The following RARB variants were observed in gnomAD, a reference collection of about 807,000 sequenced individuals.
RARB encodes HBV-activated protein.
RARB carries 17 observed loss-of-function variants against 51.9 expected under a neutral mutation model. That is an observed-to-expected ratio of 0.33 (90% CI 0.22 to 0.49). The LOEUF is 0.49. Ranked by LOEUF, RARB falls within the 20% of genes least tolerant of loss-of-function variation. The pLI, the probability that RARB is intolerant of heterozygous loss-of-function variation, is 0.99. For missense variants in RARB, 369 were observed against 550.8 expected, an observed-to-expected ratio of 0.67 and a Z score of 3.30; for synonymous variants, 215 against 195.4, an observed-to-expected ratio of 1.10 and a Z score of -0.84.
chr3:25,285,032 T>C (rs181187873), intron 5 of RARB, among the ~76,000 whole-genome samples: 1 of 152,342 alleles, frequency 6.6e-6, no homozygotes, highest in East Asian at 1.9e-4. Flanking sequence ...CACTCATTTA[T>C]TCCCTCTCTT....
At chr3:25,425,987 C>G (rs773072958), upstream of RARB, among the ~76,000 whole-genome samples, 7 of 152,190 alleles carry the variant, frequency 4.6e-5, no homozygotes, top group Non-Finnish European at 7.3e-5. Flanking sequence ...GCTCTACTTC[C>G]AATATAGCTG....
At chr3:25,204,215 C>T (rs1428129706) in intron 5 of RARB, among the ~76,000 whole-genome samples, 4 of 152,282 alleles carry the variant, frequency 2.6e-5, no homozygotes, top group South Asian at 2.1e-4. Context: ...TCCAGTTGAT[C>T]GAATCAGCTA....
At chr3:25,482,819 G>A (rs944047375) in intron 2 of RARB, among the ~76,000 whole-genome samples, 6 of 152,116 alleles carry the variant, frequency 3.9e-5, no homozygotes, top group South Asian at 4.1e-4. Context: ...GATTACAGGC[G>A]TGAGCCACCC....
At chr3:25,278,417 C>T (rs868450722) in intron 5 of RARB, among the ~76,000 whole-genome samples, 1 of 152,310 alleles carries the variant, frequency 6.6e-6, no homozygotes, top group Admixed American at 6.5e-5. Context: ...TAAATATTCT[C>T]TAGCCACTTT....
At chr3:25,045,709 G>A (rs989633985) in intron 2 of RARB, among the ~76,000 whole-genome samples, 39 of 152,156 alleles carry the variant, frequency 2.6e-4, no homozygotes, top group African/African-American at 8.9e-4. Context: ...AAAATTCATT[G>A]TTAAGGAATT....
At chr3:24,950,921 C>T (rs1161559039) in intron 2 of RARB, among the ~76,000 whole-genome samples, 1 of 152,134 alleles carries the variant, frequency 6.6e-6, no homozygotes, top group Non-Finnish European at 1.5e-5. Context: ...GGTGGTGGGA[C>T]ACCCTGGAAT....
chr3:25,075,674 G>GAA (rs35084793), intron 3 of RARB, among the ~76,000 whole-genome samples: 16 of 145,380 alleles, frequency 1.1e-4, no homozygotes, highest in African/African-American at 3.3e-4. Context: ...TTGTCCTCAG[G>GAA]AAAAAAAAAA....
intron 1 of RARB, among the ~76,000 whole-genome samples, chr3:24,838,736 A>T (rs1702378285): frequency 6.6e-6 from 1 of 152,220 alleles, no homozygotes; most frequent in Non-Finnish European, 1.5e-5. Context: ...AGGAGTCAGG[A>T]GTCAAGAAGG....
chr3:25,176,778 A>G (rs1263220417), intron 5 of RARB, among the ~76,000 whole-genome samples: 1 of 152,292 alleles, frequency 6.6e-6, no homozygotes, highest in South Asian at 2.1e-4. Flanking sequence ...CCTCTTTTGC[A>G]CTCAAAATAC....
intron 2 of RARB, among the ~76,000 whole-genome samples, chr3:24,985,277 G>T (rs770224733): frequency 6.6e-6 from 1 of 151,878 alleles, no homozygotes; most frequent in African/African-American, 2.4e-5. Context: ...CCAACATCTT[G>T]AGACCTTAAG....
At chr3:25,457,749 C>A (rs1049118584) in intron 1 of RARB, among the ~76,000 whole-genome samples, 2 of 152,154 alleles carry the variant, frequency 1.3e-5, no homozygotes, top group African/African-American at 4.8e-5. Context: ...GAAATTACTA[C>A]CCACTTTTGA....
At chr3:25,472,228 G>C (rs1695733411) in intron 2 of RARB, among the ~76,000 whole-genome samples, 2 of 152,124 alleles carry the variant, frequency 1.3e-5, no homozygotes, top group South Asian at 4.1e-4. Context: ...CAGTGATTAG[G>C]ACTCCTGCCA....
chr3:25,150,216 T>A (rs977582838), intron 4 of RARB, among the ~76,000 whole-genome samples: 1 of 150,508 alleles, frequency 6.6e-6, no homozygotes, highest in Non-Finnish European at 1.5e-5. Flanking sequence ...AAAAAAAAAA[T>A]TGTTAAACAT....
At chr3:24,938,237 T>A (rs1042403728) in intron 2 of RARB, among the ~76,000 whole-genome samples, 1 of 152,198 alleles carries the variant, frequency 6.6e-6, no homozygotes, top group African/African-American at 2.4e-5. Context: ...TCAAAATCAA[T>A]TGAACACTGG....
chr3:25,066,595 G>T (rs980924015), intron 3 of RARB, among the ~76,000 whole-genome samples: 1 of 142,250 alleles, frequency 7.0e-6, no homozygotes, highest in African/African-American at 2.9e-5. Flanking sequence ...ATGTGCACAC[G>T]CACACATAAA....
chr3:25,572,271 G>C (rs553028790), intron 4 of RARB, among the ~76,000 whole-genome samples: 2 of 152,216 alleles, frequency 1.3e-5, no homozygotes, highest in East Asian at 3.9e-4. Context: ...AGTAATTGAT[G>C]GTTGTGGTCA....
chr3:25,569,202 A>C (rs1348431062), intron 3 of RARB, among the ~76,000 whole-genome samples: 2 of 152,266 alleles, frequency 1.3e-5, no homozygotes, highest in Non-Finnish European at 2.9e-5. Flanking sequence ...GTTCATACAG[A>C]AAGTTTAGAA....
chr3:25,075,380 G>A (rs1698851979), intron 3 of RARB, among the ~76,000 whole-genome samples: 1 of 152,134 alleles, frequency 6.6e-6, no homozygotes, highest in South Asian at 2.1e-4. Context: ...ACAGCCCACA[G>A]AAACCTTTTC....
At chr3:25,256,921 C>G (rs1357229676) in intron 5 of RARB, among the ~76,000 whole-genome samples, 1 of 152,082 alleles carries the variant, frequency 6.6e-6, no homozygotes, top group African/African-American at 2.4e-5. Flanking sequence ...CATTGAACAT[C>G]ATCAAGAACT....
Sources: gnomAD v4.1 joint callset for allele counts (sites outside exome capture counted in the v4.1 genomes callset) on GRCh38, gnomAD v4.1.1 for gene constraint, MANE v1.5 for transcripts, NCBI Gene and HGNC (gene_info 2026-07-23, HGNC 2026-07-21) for gene names.